Variants in CREBBP observed in about 807,000 individuals in gnomAD.
The protein encoded by CREBBP is CREB-binding protein.
CREBBP carries 19 observed loss-of-function variants against 265.0 expected under a neutral mutation model. That is an observed-to-expected ratio of 0.07 (90% confidence interval 0.05 to 0.11). The LOEUF is 0.11. Ranked by LOEUF, CREBBP falls within the 10% of genes least tolerant of loss-of-function variation. The pLI is 1.00. For missense variants in CREBBP, 2,525 were observed against 3,219.0 expected, an observed-to-expected ratio of 0.78 and a Z score of 5.22; for synonymous variants, 1,457 against 1,223.7, an observed-to-expected ratio of 1.19 and a Z score of -3.98.
chr16:3,731,177 G>A lies in CREBBP; in HGVS notation c.5172+15C>T, dbSNP rs1567265093. 4 of 1,605,454 alleles carry A rather than the reference G, an allele frequency of 2.5e-6. No homozygotes were observed. The highest frequency in any genetic ancestry group is 2.6e-6 in the Non-Finnish European group (3 of 1,174,484). On this transcript the variant is annotated intron_variant, in intron 30 of 30. Coordinates refer to ENST00000262367, the MANE Select transcript of CREBBP (RefSeq NM_004380.3). The surrounding 1 kb of genome is among the most constrained non-coding windows in gnomAD (Gnocchi z 7.7). Reference sequence around the variant, plus strand: ...CCAGGCCGGCTGTGGGGGTGGGGGTGGGGGCAGGGCCTACCTCGCACACAG... The same window carrying A: ...CCAGGCCGGCTGTGGGGGTGGGGGTAGGGGCAGGGCCTACCTCGCACACAG...
intron 1 of CREBBP, among the ~76,000 whole-genome samples, chr16:3,864,989 G>A (rs1297558590): frequency 1.3e-5 from 2 of 152,166 alleles, no homozygotes; most frequent in Admixed American, 6.5e-5. Flanking sequence ...AATCTGAGAG[G>A]TGGAGGCTGC....
At chr16:3,759,943 G>C (rs2052674172) in intron 16 of CREBBP, among the ~76,000 whole-genome samples, 1 of 152,122 alleles carries the variant, frequency 6.6e-6, no homozygotes, top group South Asian at 2.1e-4. Context: ...TTCGGTGTGG[G>C]AGGCCGGCCA....
intron 2 of CREBBP, among the ~76,000 whole-genome samples, chr16:3,827,463 C>T (rs1205028814): frequency 2.6e-5 from 4 of 152,150 alleles, no homozygotes; most frequent in Non-Finnish European, 5.9e-5. Flanking sequence ...GCAATCTCGG[C>T]TCACTGCAAC....
Position 3,729,344 on chromosome 16 carries a change from C to T in CREBBP, c.5703G>A (p.Gln1901=), listed in dbSNP as rs2151308887. 1.3e-6 allele frequency: 2 copies of T among 1,596,010 alleles called. No homozygotes were observed. Among genetic ancestry groups the T allele is most frequent in the Non-Finnish European group, 1.7e-6 (2 of 1,175,158 alleles). ...GTPTQQPSTP[Q]TPQPPAQPQP... is the part of the protein sequence containing the mutation. The stretch of plus-strand genomic sequence containing the variant: ...GGGGCTGGGCAGGGGGCTGCGGCGT[C>T]TGGGGTGTGCTGGGCTGCTGTGTGG... Residue 1901 remains glutamine (Q), a synonymous_variant, in exon 31 of 31, where the codon CAG becomes CAA. Transcript: ENST00000262367.
intron 21 of CREBBP, among the ~76,000 whole-genome samples, chr16:3,749,131 AGCG>A: frequency 6.6e-6 from 1 of 152,354 alleles, no homozygotes; most frequent in South Asian, 2.1e-4. Flanking sequence ...TCGGGGACAG[AGCG>A]AGACTGTCTC....
intron 1 of CREBBP, among the ~76,000 whole-genome samples, chr16:3,869,640 C>G (rs914553916): frequency 1.3e-5 from 2 of 152,120 alleles, no homozygotes; most frequent in Admixed American, 1.3e-4. Flanking sequence ...TCACACTAAT[C>G]ACAATTCAAG....
chr16:3,880,503 TGCCGCC>T lies in CREBBP; in HGVS notation c.-593_-588del, dbSNP rs1015152209. 6 of 139,714 alleles carry T rather than the reference TGCCGCC, an allele frequency of 4.3e-5. No homozygotes were observed. The highest frequency in any genetic ancestry group is 2.2e-4 in the East Asian group (1 of 4,464). The allele number at this position is 139,714 out of a possible 1,614,324, so 8.7% of individuals were successfully genotyped here. ...CCCGTTCCGCCGCCGCCGCCGCCGC[TGCCGCC>T]GCCGCCGCCGCCGGGCTCCGGGAGG... is the stretch of plus-strand genomic sequence containing the variant. On this transcript the variant is annotated 5_prime_UTR_variant, in exon 1 of 31. Transcript: ENST00000262367.
chr16:3,810,755 G>C lies in CREBBP; in HGVS notation c.823C>G (p.Pro275Ala), dbSNP rs775374550. 2 of 1,613,842 alleles carry C rather than the reference G, an allele frequency of 1.2e-6. No homozygotes were observed. Among genetic ancestry groups the C allele is most frequent in the Non-Finnish European group, 1.7e-6 (2 of 1,180,012 alleles). ...AKMGITGNTS[P>A]FGQPFSQAGG... ...GCTTGACTAAAGGGCTGTCCAAATG[G>C]ACTTGTGTTCCCAGTTATTCCCATC... Residue 275 changes from proline to alanine, a missense_variant, in exon 3 of 31, where the codon CCA (proline) becomes GCA (alanine). By Grantham distance (27) the Pro-to-Ala change is conservative. This residue lies in a region of CREBBP where 126 missense variants were observed against 171.9 expected (regional missense o/e 0.73). Coordinates refer to ENST00000262367, the MANE Select transcript of CREBBP (RefSeq NM_004380.3).
rs887601249 is a variant in CREBBP at position 3,758,177 on chromosome 16, G to C, written c.3370-129C>G. Reference sequence around the variant, plus strand: ...AAATAACTTCCATTCCCAACAGTAAGAAATAGGAAATGAAAAGAAAATAAC... The same window carrying C: ...AAATAACTTCCATTCCCAACAGTAACAAATAGGAAATGAAAAGAAAATAAC... On this transcript the variant is annotated intron_variant, in intron 17 of 30. Transcript: ENST00000262367. 9.5e-6 allele frequency: 9 copies of C among 948,564 alleles called. No homozygotes were observed. In the African/African-American group the frequency reaches 1.5e-4, roughly 16 times the overall value. The allele number at this position is 948,564 out of a possible 1,614,324, so 58.8% of individuals were successfully genotyped here. A position where few individuals can be genotyped will look rare whatever the true frequency, so the allele number is the denominator to read the frequency against.
intron 2 of CREBBP, among the ~76,000 whole-genome samples, chr16:3,845,395 A>C (rs1322556502): frequency 6.6e-6 from 1 of 152,236 alleles, no homozygotes; most frequent in Non-Finnish European, 1.5e-5. Flanking sequence ...CTAAAGAAAA[A>C]GAGTTCAGAA....
intron 27 of CREBBP, 132 bp downstream of exon 27, chr16:3,736,518 G>T: frequency 7.4e-7 from 1 of 1,346,494 alleles, no homozygotes; most frequent in Non-Finnish European, 1.1e-6. Flanking sequence ...CTCACTTTAG[G>T]CTTTTATTTT....
rs766962344 is a variant in CREBBP at position 3,727,869 on chromosome 16, C to G, written c.7178G>C (p.Ser2393Thr). The change falls in exon 31 of 31, where the codon AGC becomes ACC. Residue 2393 changes from serine (S) to threonine (T), a missense_variant. By Grantham distance (58) the Ser-to-Thr change is moderately conservative. Around this residue, in one of 19 missense-constraint regions of CREBBP, gnomAD observed 473 missense variants for 459.3 expected, o/e 1.03. Coordinates refer to ENST00000262367, the MANE Select transcript of CREBBP (RefSeq NM_004380.3). ...CCCCAAGTGTCCCTGATCTATGGAG[C>G]TGGCCATGGTGACTGCGAGTCCGGG... ...PHPGLAVTMASSIDQGHLGNP... is the reference protein window; with the variant it reads ...PHPGLAVTMATSIDQGHLGNP... 3 of 1,613,974 alleles carry G rather than the reference C, an allele frequency of 1.9e-6. No homozygotes were observed. Among genetic ancestry groups the G allele is most frequent in the Admixed American group, 3.3e-5 (2 of 60,002 alleles).
chr16:3,789,832 A>G lies in CREBBP; in HGVS notation c.1330+2149T>C, dbSNP rs75031362. Among the ~76,000 whole-genome samples, 103 of 152,208 alleles carry G rather than the reference A, an allele frequency of 6.8e-4. 1 individual carries two copies. In the East Asian group the frequency reaches 0.016, roughly 24 times the overall value. ...AAACCTGTGGTTTACCACTTGAGAG[A>G]GCATGCACAGAATCAATTTTCACAA... On this transcript the variant is annotated intron_variant, in intron 5 of 30. Coordinates refer to ENST00000262367, the MANE Select transcript of CREBBP (RefSeq NM_004380.3).
chr16:3,872,693 G>A (rs187475196), intron 1 of CREBBP, among the ~76,000 whole-genome samples: 1 of 152,352 alleles, frequency 6.6e-6, no homozygotes, highest in East Asian at 1.9e-4. Context: ...CAGAGCCTAG[G>A]AGAGACGGGA....
chr16:3,853,259 T>C (rs565670556), intron 1 of CREBBP, among the ~76,000 whole-genome samples: 87 of 152,314 alleles, frequency 5.7e-4, no homozygotes, highest in African/African-American at 2.1e-3. Context: ...TGCTAAGTAC[T>C]GTCTATTATT....
intron 26 of CREBBP, 68 bp from the exon 27 acceptor site, chr16:3,736,883 T>C (rs1395240652): frequency 3.2e-6 from 5 of 1,583,352 alleles, no homozygotes; most frequent in Admixed American, 1.7e-5. Context: ...TAAGGAGTTA[T>C]AGCAGAGGAG....
At position 3,834,824 on chromosome 16, in the gene CREBBP, TG is replaced by T. The variant is rs1670511186; in HGVS notation, c.798+15472del. ...GAAAATCTCTGTACCTTCATTTCAT[TG>T]TGAAGCTCAAACTACTCTAAAAAAA... On this transcript the variant is annotated intron_variant, in intron 2 of 30. Coordinates refer to ENST00000262367, the MANE Select transcript of CREBBP (RefSeq NM_004380.3). Among the ~76,000 whole-genome samples, 3 of 152,134 alleles carry T rather than the reference TG, an allele frequency of 2.0e-5. No homozygotes were observed. The South Asian group carries it at 6.2e-4, about 31-fold the overall frequency.
At chr16:3,837,256 A>AGTGT (rs150505279) in intron 2 of CREBBP, among the ~76,000 whole-genome samples, 1 of 152,038 alleles carries the variant, frequency 6.6e-6, no homozygotes, top group Non-Finnish European at 1.5e-5. Flanking sequence ...GGCTTAGGCT[A>AGTGT]GTGTGTGTGT....
intron 1 of CREBBP, among the ~76,000 whole-genome samples, chr16:3,871,191 T>TCA (rs1356022804): frequency 1.1e-3 from 68 of 61,050 alleles, no homozygotes; most frequent in African/African-American, 2.8e-3. Flanking sequence ...TCTCTCTCTC[T>TCA]CTCTCACTCA....
Sources: allele counts gnomAD v4.1 joint callset (sites outside exome capture counted in the v4.1 genomes callset), GRCh38; gene constraint gnomAD v4.1.1; regional missense constraint gnomAD v4.1.1; non-coding constraint Gnocchi (gnomAD v3.1); transcripts MANE v1.5; gene names NCBI Gene and HGNC (gene_info 2026-07-23, HGNC 2026-07-21).